CPT1A: variants seen among roughly 807,000 people sequenced by gnomAD.
CPT1A encodes carnitine palmitoyltransferase 1A, also known as carnitine O-palmitoyltransferase 1, liver isoform.
In CPT1A, 64 loss-of-function variants were observed where a neutral mutation model predicts 100.8. The ratio of observed to expected loss-of-function variants is 0.63; its 90% CI spans 0.52 to 0.78. CPT1A has a LOEUF of 0.78. Ranked by LOEUF, CPT1A falls within the 30% of genes least tolerant of loss-of-function variation. The pLI is 0.00. For missense variants in CPT1A, 802 were observed against 1,034.1 expected (o/e 0.78, Z 3.08); for synonymous variants, 363 against 396.0 (o/e 0.92, Z 0.99).
At chr11:68,828,537 G>A (rs931122399) in intron 1 of CPT1A, among the ~76,000 whole-genome samples, 8 of 152,358 alleles carry the variant, frequency 5.3e-5, no homozygotes, top group South Asian at 4.1e-4. Flanking sequence ...CCTTCCCTGG[G>A]GTCTTGGGCA....
At chr11:68,832,991 T>C (rs1856917215) in intron 1 of CPT1A, among the ~76,000 whole-genome samples, 1 of 152,202 alleles carries the variant, frequency 6.6e-6, no homozygotes, top group Non-Finnish European at 1.5e-5. Flanking sequence ...AGGGCAGTTA[T>C]CTCATCATCT....
At position 68,756,750 on chromosome 11, in the gene CPT1A, T is replaced by G. The variant is rs1228697510; in HGVS notation, c.*894A>C. ...TTGCTCCCCTTTTATGACATGTGCC[T>G]GTTATTTCTTTTGTTGCTTATGATG... is the stretch of plus-strand genomic sequence containing the variant. On this transcript the variant is annotated 3_prime_UTR_variant, in exon 19 of 19. Coordinates refer to ENST00000265641, the MANE Select transcript of CPT1A (RefSeq NM_001876.4). 1 of 152,228 alleles carries G rather than the reference T, an allele frequency of 6.6e-6. No individual in the cohort carries two copies. The highest frequency in any genetic ancestry group is 1.9e-4 in the East Asian group (1 of 5,202). 9.4% of individuals were successfully genotyped at this position (152,228 alleles called of 1,614,324 possible). A position where few individuals can be genotyped will look rare whatever the true frequency, so the allele number is the denominator to read the frequency against.
At chr11:68,787,777 A>G (rs1407403666) in intron 9 of CPT1A, among the ~76,000 whole-genome samples, 1 of 151,914 alleles carries the variant, frequency 6.6e-6, no homozygotes, top group African/African-American at 2.4e-5. Context: ...ACTCGTCTCT[A>G]CTAAAAAATT....
At chr11:68,835,837 T>C (rs1429755239) in intron 1 of CPT1A, among the ~76,000 whole-genome samples, 1 of 152,224 alleles carries the variant, frequency 6.6e-6, no homozygotes, top group African/African-American at 2.4e-5. Flanking sequence ...CTCAGACCTG[T>C]GACCTTGAGC....
intron 2 of CPT1A, among the ~76,000 whole-genome samples, chr11:68,814,432 G>A (rs190006412): frequency 0.011 from 1,597 of 151,798 alleles, 26 homozygotes; most frequent in African/African-American, 0.034. Flanking sequence ...TCAGCCTCCC[G>A]AGTAGCTGGG....
intron 14 of CPT1A, among the ~76,000 whole-genome samples, chr11:68,763,405 G>A (rs1203078512): frequency 6.6e-6 from 1 of 152,166 alleles, no homozygotes; most frequent in East Asian, 1.9e-4. Flanking sequence ...GCACAGCAGG[G>A]GATCTGTGTT....
chr11:68,795,024 A>T (rs1359010365), intron 7 of CPT1A, 113 bp from the exon 8 acceptor site: 2 of 801,902 alleles, frequency 2.5e-6, no homozygotes, highest in Non-Finnish European at 4.4e-6. Flanking sequence ...ATCAATATAC[A>T]TACATATTCG....
chr11:68,780,336 G>A (rs939282009), intron 12 of CPT1A, among the ~76,000 whole-genome samples: 1 of 152,212 alleles, frequency 6.6e-6, no homozygotes, highest in Non-Finnish European at 1.5e-5. Flanking sequence ...AGGCCGGAGT[G>A]CAGTGGCACG....
At chr11:68,807,718 A>G in intron 3 of CPT1A, 80 bp from the exon 4 acceptor site, 1 of 1,421,742 alleles carries the variant, frequency 7.0e-7, no homozygotes, top group Non-Finnish European at 9.8e-7. Flanking sequence ...CGCCACAGAC[A>G]CCACGTGCTG....
At chr11:68,775,237 G>T in intron 13 of CPT1A, 79 bp downstream of exon 13, 1 of 1,223,614 alleles carries the variant, frequency 8.2e-7, no homozygotes, top group Non-Finnish European at 1.2e-6. Context: ...AGGAACTACG[G>T]TTGGAAAATT....
chr11:68,759,227 C>G (rs1260533433), intron 18 of CPT1A, among the ~76,000 whole-genome samples: 2 of 151,820 alleles, frequency 1.3e-5, no homozygotes, highest in South Asian at 2.1e-4. Flanking sequence ...AACCCTGTCT[C>G]TACTAAAAAT....
At position 68,771,654 on chromosome 11, in the gene CPT1A, C is replaced by G. The variant is rs76016178; in HGVS notation, c.1740+1611G>C. ...GGCTTCATAACTGTGACAGTCTTTA[C>G]AGACTGTATTAGCATGCATTTTAAA... is the stretch of plus-strand genomic sequence containing the variant. On this transcript the variant is annotated intron_variant, in intron 14 of 18. Transcript: ENST00000265641. 2.8e-3 allele frequency among the ~76,000 whole-genome samples: 431 copies of G among 152,366 alleles called. 2 individuals carry two copies. The highest frequency in any genetic ancestry group is 1.0e-2 in the African/African-American group (415 of 41,598).
intron 4 of CPT1A, among the ~76,000 whole-genome samples, chr11:68,806,633 G>GAAA (rs775579381): frequency 1.1e-5 from 1 of 92,440 alleles, no homozygotes. Flanking sequence ...GTCTCAAAAA[G>GAAA]AAAAAAAAAA....
At chr11:68,794,228 AAACT>A (rs1241685628) in intron 8 of CPT1A, among the ~76,000 whole-genome samples, 1 of 152,180 alleles carries the variant, frequency 6.6e-6, no homozygotes, top group Non-Finnish European at 1.5e-5. Flanking sequence ...TAAAAATTGC[AAACT>A]AATCTAGAGT....
chr11:68,799,471 G>T, intron 5 of CPT1A, 116 bp from the exon 6 acceptor site: 1 of 1,153,436 alleles, frequency 8.7e-7, no homozygotes, highest in Non-Finnish European at 1.3e-6. Flanking sequence ...GTTTTAGGCT[G>T]GGCATGGTGG....
intron 4 of CPT1A, among the ~76,000 whole-genome samples, chr11:68,804,341 G>A (rs897452494): frequency 2.6e-5 from 4 of 152,018 alleles, no homozygotes; most frequent in African/African-American, 9.7e-5. Context: ...TCTTTTACCC[G>A]CCCCATACTT....
At chr11:68,771,301 A>C (rs1854982251) in intron 14 of CPT1A, among the ~76,000 whole-genome samples, 4 of 152,190 alleles carry the variant, frequency 2.6e-5, no homozygotes. Context: ...GCATTTCCTT[A>C]CTAAACTCCT....
At chr11:68,839,615 T>C in intron 1 of CPT1A, 1 of 985,448 alleles carries the variant, frequency 1.0e-6, no homozygotes, top group Non-Finnish European at 1.2e-6. Flanking sequence ...GCTCAGTGCT[T>C]CTGATGACAG....
chr11:68,799,089 G>C (rs1855830526), intron 6 of CPT1A, 129 bp downstream of exon 6: 2 of 797,042 alleles, frequency 2.5e-6, no homozygotes, highest in Admixed American at 4.0e-5. Flanking sequence ...TAAAACTATA[G>C]CTGGAACTTC....
Sources: allele counts gnomAD v4.1 joint callset (sites outside exome capture counted in the v4.1 genomes callset), GRCh38; gene constraint gnomAD v4.1.1; transcripts MANE v1.5; gene names NCBI Gene and HGNC (gene_info 2026-07-23, HGNC 2026-07-21).